TTC28: variants seen among roughly 807,000 people sequenced by gnomAD.
The protein encoded by TTC28 is tetratricopeptide repeat protein 28.
TTC28 carries 61 observed loss-of-function variants against 198.0 expected under a neutral mutation model. The ratio of observed to expected loss-of-function variants is 0.31; its 90% CI spans 0.25 to 0.38. The LOEUF is 0.38. TTC28 is among the 10% of genes least tolerant of loss of function. TTC28 has a pLI of 1.00. For missense variants in TTC28, 2,678 were observed against 3,164.0 expected (o/e 0.85, Z 3.69); for synonymous variants, 1,171 against 1,297.8 (o/e 0.90, Z 2.10).
At chr22:28,475,424 G>C (rs914865840) in intron 2 of TTC28, among the ~76,000 whole-genome samples, 4 of 152,034 alleles carry the variant, frequency 2.6e-5, no homozygotes, top group Non-Finnish European at 5.9e-5. Context: ...TGAGTACCTG[G>C]AGAAAACCCA....
intron 12 of TTC28, among the ~76,000 whole-genome samples, chr22:28,038,845 A>C (rs888319618): frequency 1.3e-5 from 2 of 152,238 alleles, no homozygotes; most frequent in Non-Finnish European, 2.9e-5. Context: ...CAACCCCATC[A>C]AAAAGTGGGC....
chr22:27,997,265 G>C (rs965166468), intron 16 of TTC28: 7 of 152,270 alleles, frequency 4.6e-5, no homozygotes, highest in Non-Finnish European at 1.0e-4. Flanking sequence ...AGGCAGGGCA[G>C]GGTATATGCC....
At chr22:28,133,322 G>C (rs1012733840) in intron 6 of TTC28, among the ~76,000 whole-genome samples, 1 of 152,176 alleles carries the variant, frequency 6.6e-6, no homozygotes, top group African/African-American at 2.4e-5. Flanking sequence ...GGTGATTTCT[G>C]CATTTCCAAC....
chr22:28,458,437 C>T (rs1470052547), intron 2 of TTC28, among the ~76,000 whole-genome samples: 2 of 152,144 alleles, frequency 1.3e-5, no homozygotes, highest in African/African-American at 2.4e-5. Context: ...GTATCTAAGC[C>T]TACTTTTCAA....
chr22:28,108,436 T>A, intron 6 of TTC28, 33 bp from the exon 7 acceptor site: 2 of 1,396,568 alleles, frequency 1.4e-6, no homozygotes, highest in South Asian at 3.7e-5. Context: ...AGACTAAGAC[T>A]GAAATAACTG....
At chr22:28,336,356 A>G (rs542341521) in intron 2 of TTC28, among the ~76,000 whole-genome samples, 60 of 152,330 alleles carry the variant, frequency 3.9e-4, no homozygotes, top group Non-Finnish European at 6.3e-4. Context: ...GCCTCATAAA[A>G]TGAGTTAGGG....
intron 6 of TTC28, among the ~76,000 whole-genome samples, chr22:28,141,265 G>T (rs573527483): frequency 6.6e-6 from 1 of 152,218 alleles, no homozygotes; most frequent in Non-Finnish European, 1.5e-5. Flanking sequence ...GTCTTTTTCA[G>T]TCCCCTTACC....
chr22:27,989,646 C>T (rs887386120), intron 21 of TTC28, among the ~76,000 whole-genome samples: 1 of 152,040 alleles, frequency 6.6e-6, no homozygotes, highest in Admixed American at 6.6e-5. Flanking sequence ...TGGGGTCTCC[C>T]TGTGTTGCCC....
intron 2 of TTC28, among the ~76,000 whole-genome samples, chr22:28,524,431 G>A (rs2048969338): frequency 1.4e-5 from 2 of 147,618 alleles, no homozygotes; most frequent in Admixed American, 1.4e-4. Context: ...CTGCACTCCA[G>A]CCTGGGCGAC....
At chr22:28,076,963 A>T (rs1204594200) in intron 12 of TTC28, among the ~76,000 whole-genome samples, 1 of 152,128 alleles carries the variant, frequency 6.6e-6, no homozygotes, top group African/African-American at 2.4e-5. Context: ...TGTATTCTGA[A>T]AAGTGTATTT....
chr22:28,561,729 T>C (rs569114889), intron 2 of TTC28, among the ~76,000 whole-genome samples: 7 of 152,318 alleles, frequency 4.6e-5, no homozygotes, highest in African/African-American at 1.4e-4. Flanking sequence ...GCCTGGAACA[T>C]TCTTCCATAT....
At chr22:27,984,784 C>T (rs905836867) in intron 22 of TTC28, among the ~76,000 whole-genome samples, 3 of 152,208 alleles carry the variant, frequency 2.0e-5, no homozygotes, top group East Asian at 1.9e-4. Flanking sequence ...CAGCAGACTC[C>T]GTTGGTTCCA....
intron 5 of TTC28, among the ~76,000 whole-genome samples, chr22:28,201,056 C>A (rs1479440490): frequency 6.6e-6 from 1 of 152,158 alleles, no homozygotes; most frequent in Non-Finnish European, 1.5e-5. Context: ...ACTTGTAACT[C>A]ACAACACATT....
chr22:28,625,437 T>C (rs193090991), intron 2 of TTC28, among the ~76,000 whole-genome samples: 28 of 152,282 alleles, frequency 1.8e-4, no homozygotes, highest in African/African-American at 6.0e-4. Context: ...GATAAAGTTA[T>C]TCCATTTATA....
chr22:28,550,729 G>C (rs565195561), intron 2 of TTC28, among the ~76,000 whole-genome samples: 11 of 152,020 alleles, frequency 7.2e-5, no homozygotes, highest in African/African-American at 2.4e-4. Flanking sequence ...CAAAACATTT[G>C]ATTAGTCTTG....
intron 6 of TTC28, among the ~76,000 whole-genome samples, chr22:28,115,566 T>C (rs1177629653): frequency 1.3e-5 from 2 of 152,216 alleles, no homozygotes; most frequent in Non-Finnish European, 2.9e-5. Flanking sequence ...ACACATTAGA[T>C]ACAAGAAAAT....
At chr22:28,180,508 CAGTA>C (rs1043988225) in intron 5 of TTC28, among the ~76,000 whole-genome samples, 2 of 152,070 alleles carry the variant, frequency 1.3e-5, no homozygotes, top group African/African-American at 4.8e-5. Flanking sequence ...TCGGGGCCAC[CAGTA>C]AGCTTGTGAC....
chr22:28,090,411 T>G (rs1941777384), intron 12 of TTC28, among the ~76,000 whole-genome samples: 1 of 152,290 alleles, frequency 6.6e-6, no homozygotes, highest in East Asian at 1.9e-4. Flanking sequence ...AACATAATTT[T>G]AATTGCAACA....
intron 12 of TTC28, among the ~76,000 whole-genome samples, chr22:28,085,671 T>C (rs1457295258): frequency 2.0e-5 from 3 of 151,926 alleles, no homozygotes; most frequent in Non-Finnish European, 4.4e-5. Flanking sequence ...ATATTAACTT[T>C]AAATGTAAAT....
Sources: allele counts gnomAD v4.1 joint callset (sites outside exome capture counted in the v4.1 genomes callset), GRCh38; gene constraint gnomAD v4.1.1; transcripts MANE v1.5; gene names NCBI Gene and HGNC (gene_info 2026-07-23, HGNC 2026-07-21).